The following G3BP2 variants were observed in gnomAD, a reference collection of about 807,000 sequenced individuals.
The protein encoded by G3BP2 is G3BP stress granule assembly factor 2, also known as ras GTPase-activating protein-binding protein 2.
Under a neutral mutation model 56.7 loss-of-function variants are expected in G3BP2, and 11 were observed. The observed-to-expected ratio is 0.19, with a 90% CI of 0.12 to 0.32. The LOEUF (loss-of-function observed/expected upper bound fraction) is 0.32, where lower values mean the gene tolerates loss of function less well. G3BP2 is among the 10% of genes least tolerant of loss of function. The probability of loss-of-function intolerance (pLI) is 1.00; values close to 1 mark genes in which losing one functional copy is unlikely to be tolerated. For synonymous variants in G3BP2, 165 were observed against 191.6 expected (o/e 0.86, Z 1.15); for missense variants, 340 against 610.9 (o/e 0.56, Z 4.67).
At chr4:75,697,233 C>T (rs1459923665) in intron 3 of G3BP2, among the ~76,000 whole-genome samples, 3 of 132,950 alleles carry the variant, frequency 2.3e-5, no homozygotes, top group African/African-American at 8.4e-5. Flanking sequence ...GAGATCATGC[C>T]ACTACACTCC....
At chr4:75,673,974 G>A (rs1410577218), upstream of G3BP2, 1 of 154,044 alleles carries the variant, frequency 6.5e-6, no homozygotes, top group African/African-American at 2.4e-5. Context: ...GCTTTACAGA[G>A]GGGGAAAAGA....
At chr4:75,693,332 T>C (rs917169925) in intron 3 of G3BP2, among the ~76,000 whole-genome samples, 66 of 152,268 alleles carry the variant, frequency 4.3e-4, no homozygotes, top group African/African-American at 1.5e-3. Flanking sequence ...CTGGCAACAA[T>C]GGACTCACTG....
chr4:75,645,520 T>C lies in G3BP2; in HGVS notation c.1359A>G (p.Gly453=), dbSNP rs1025359506. 1 of 1,613,134 alleles carries C rather than the reference T, an allele frequency of 6.2e-7. No homozygotes were observed. The highest frequency in any genetic ancestry group is 1.3e-5 in the African/African-American group (1 of 74,672). Residue 453 remains glycine, a synonymous_variant, in exon 12 of 12, where the codon GGA becomes GGG. Transcript: ENST00000359707. ...GGMMRDRDGR[G]PPPRGGMAQK... The stretch of plus-strand genomic sequence containing the variant: ...GTGCCATGCCACCCCTTGGAGGAGG[T>C]CCTCTTCCATCACGATCACGCATCA...
In G3BP2 at chr4:75,658,943, T is replaced by C. The variant is rs765208238; in HGVS notation, c.96-19A>G. On this transcript the variant is annotated intron_variant, in intron 2 of 11. Transcript: ENST00000359707. ...ATAAAACCTGCAAAACCATAATTAATGATTAACACTGAATTGTCAAGAGAA... is the reference window on the plus strand; with the variant it reads ...ATAAAACCTGCAAAACCATAATTAACGATTAACACTGAATTGTCAAGAGAA... 2.6e-6 allele frequency: 4 copies of C among 1,532,376 alleles called. No individual in the cohort carries two copies. Among genetic ancestry groups the C allele is most frequent in the Non-Finnish European group, 3.6e-6 (4 of 1,105,330 alleles). The allele number at this position is 1,532,376 out of a possible 1,614,324, so 94.9% of individuals were successfully genotyped here.
chr4:75,716,350 T>G (rs561109720), intron 3 of G3BP2, among the ~76,000 whole-genome samples: 1 of 152,038 alleles, frequency 6.6e-6, no homozygotes, highest in African/African-American at 2.4e-5. Context: ...ATTTTTTGTA[T>G]TTTTAGTAGA....
intron 3 of G3BP2, among the ~76,000 whole-genome samples, chr4:75,718,685 A>G (rs775363948): frequency 6.6e-6 from 1 of 152,228 alleles, no homozygotes; most frequent in African/African-American, 2.4e-5. Flanking sequence ...CTCAAGGCCA[A>G]TCAGAACATC....
At chr4:75,673,485 G>C (rs1000986105), upstream of G3BP2, 1 of 1,232,116 alleles carries the variant, frequency 8.1e-7, no homozygotes, top group African/African-American at 1.6e-5. Context: ...CCCGAGCACA[G>C]CGTCAGCCAA....
At chr4:75,704,491 A>C (rs2149099641) in intron 3 of G3BP2, among the ~76,000 whole-genome samples, 1 of 136,964 alleles carries the variant, frequency 7.3e-6, no homozygotes, top group South Asian at 2.5e-4. Context: ...GTAATTTTTA[A>C]AATTTTTTAT....
At chr4:75,681,931 G>T (rs1734090279) in intron 3 of G3BP2, among the ~76,000 whole-genome samples, 1 of 151,936 alleles carries the variant, frequency 6.6e-6, no homozygotes, top group Admixed American at 6.6e-5. Flanking sequence ...GTAAAGTAAG[G>T]GTTACCTGAA....
intron 3 of G3BP2, among the ~76,000 whole-genome samples, chr4:75,695,556 G>A (rs1237940713): frequency 6.6e-6 from 1 of 152,142 alleles, no homozygotes; most frequent in African/African-American, 2.4e-5. Context: ...CCCAAGAGCT[G>A]AAGCCAAGAA....
chr4:75,676,533 A>G (rs1009634759), upstream of G3BP2, among the ~76,000 whole-genome samples: 9 of 151,928 alleles, frequency 5.9e-5, no homozygotes, highest in East Asian at 1.7e-3. Flanking sequence ...AGTAGAGACG[A>G]GGTTTCACCA....
intron 2 of G3BP2, among the ~76,000 whole-genome samples, chr4:75,721,067 C>T (rs1285715062): frequency 6.6e-6 from 1 of 151,336 alleles, no homozygotes; most frequent in Non-Finnish European, 1.5e-5. Flanking sequence ...AGCTCTTGAA[C>T]CCAGGAGTTC....
chr4:75,663,344 C>G (rs1732718718), intron 1 of G3BP2, among the ~76,000 whole-genome samples: 1 of 57,768 alleles, frequency 1.7e-5, no homozygotes, highest in African/African-American at 6.6e-5. Flanking sequence ...GCAGCCTCAA[C>G]TGCCAGGCTC....
Position 75,644,009 on chromosome 4 carries a change from G to A in G3BP2, c.*1421C>T, listed in dbSNP as rs748540331. ...CCAGACTTAAATTCAGGAGCCACTC[G>A]GGTGCTGACATCAGTTCAAGAATTG... On this transcript the variant is annotated 3_prime_UTR_variant, in exon 12 of 12. Transcript: ENST00000359707. 1.7e-4 allele frequency: 26 copies of A among 152,572 alleles called. No individual in the cohort carries two copies. The highest frequency in any genetic ancestry group is 2.8e-4 in the Non-Finnish European group (19 of 68,036). The allele number at this position is 152,572 out of a possible 1,614,324, so 9.5% of individuals were successfully genotyped here.
chr4:75,692,398 G>C (rs1297686986), intron 3 of G3BP2, among the ~76,000 whole-genome samples: 1 of 151,826 alleles, frequency 6.6e-6, no homozygotes, highest in Non-Finnish European at 1.5e-5. Context: ...TGCAACTTCC[G>C]CCTCCCAGGT....
intron 1 of G3BP2, among the ~76,000 whole-genome samples, chr4:75,663,293 G>A (rs1732715353): frequency 6.6e-6 from 1 of 152,122 alleles, no homozygotes; most frequent in Non-Finnish European, 1.5e-5. Flanking sequence ...GTCTCGCTCT[G>A]TCACCTAGGC....
chr4:75,672,939 C>G, intron 1 of G3BP2: 3 of 935,182 alleles, frequency 3.2e-6, no homozygotes, highest in Non-Finnish European at 3.8e-6. Context: ...AAACCTCAAC[C>G]CCACCTGTGC....
intron 3 of G3BP2, among the ~76,000 whole-genome samples, chr4:75,678,690 C>A (rs1230091790): frequency 2.0e-5 from 3 of 152,160 alleles, no homozygotes; most frequent in Non-Finnish European, 4.4e-5. Flanking sequence ...AACCACACTG[C>A]CTGGATTTGA....
At chr4:75,680,716 C>G (rs969361732) in intron 3 of G3BP2, among the ~76,000 whole-genome samples, 2 of 152,134 alleles carry the variant, frequency 1.3e-5, no homozygotes, top group Non-Finnish European at 2.9e-5. Context: ...CCTGTAATCC[C>G]AGCACTTTGG....
Sources: allele counts gnomAD v4.1 joint callset (sites outside exome capture counted in the v4.1 genomes callset), GRCh38; gene constraint gnomAD v4.1.1; transcripts MANE v1.5; gene names NCBI Gene and HGNC (gene_info 2026-07-23, HGNC 2026-07-21).